COA7: variants seen among roughly 807,000 people sequenced by gnomAD.
COA7 encodes the protein cytochrome c oxidase assembly factor 7, also known as Sel1 repeat containing 1.
COA7 carries 12 observed loss-of-function variants against 21.0 expected under a neutral mutation model. The ratio of observed to expected loss-of-function variants is 0.57; its 90% CI spans 0.37 to 0.92. The LOEUF (loss-of-function observed/expected upper bound fraction) is 0.92, where lower values mean the gene tolerates loss of function less well. Ranked by LOEUF, COA7 falls within the 40% of genes least tolerant of loss-of-function variation. The pLI, the probability that COA7 is intolerant of heterozygous loss-of-function variation, is 0.01. For synonymous variants in COA7, 95 were observed against 107.4 expected (o/e 0.88, Z 0.72); for missense variants, 240 against 286.1 (o/e 0.84, Z 1.16).
At position 52,689,430 on chromosome 1, in the gene COA7, A is replaced by G. The variant is rs138000985; in HGVS notation, c.248-1262T>C. Among the ~76,000 whole-genome samples the G allele has an allele frequency of 2.9e-3, 443 of 151,692 alleles. 1 individual carries two copies. Among genetic ancestry groups the G allele is most frequent in the African/African-American group, 0.01 (419 of 41,382 alleles). On this transcript the variant is annotated intron_variant, in intron 2 of 2. Coordinates refer to ENST00000371538, the MANE Select transcript of COA7 (RefSeq NM_023077.3). ...CAGCCTCCCAAAATGCTGGGATTAC[A>G]GGCGTGAGCCACTTCACCTGGCCTA... is the stretch of plus-strand genomic sequence containing the variant.
At chr1:52,696,540 T>C (rs1644084806) in intron 1 of COA7, among the ~76,000 whole-genome samples, 1 of 152,258 alleles carries the variant, frequency 6.6e-6, no homozygotes, top group South Asian at 2.1e-4. Context: ...TTATGATATG[T>C]ATATGGTTGT....
intron 1 of COA7, among the ~76,000 whole-genome samples, chr1:52,696,023 CT>C (rs1351858961): frequency 6.6e-6 from 1 of 152,194 alleles, no homozygotes; most frequent in Non-Finnish European, 1.5e-5. Context: ...ATAGCACTTT[CT>C]TCTCCCACCC....
At position 52,687,758 on chromosome 1, in the gene COA7, C is replaced by G. The variant is rs548947561; in HGVS notation, c.658G>C (p.Glu220Gln). 11 of 1,614,264 alleles carry G rather than the reference C, an allele frequency of 6.8e-6. No homozygotes were observed. In the Admixed American group the frequency reaches 1.8e-4, roughly 27 times the overall value. Residue 220 changes from glutamate to glutamine, a missense_variant, in exon 3 of 3, where the codon GAA becomes CAA. Physicochemically the swap from Glu to Gln is conservative, Grantham distance 29 (BLOSUM62 2). This residue lies in a region of COA7 where 163 missense variants were observed against 214.1 expected (regional missense o/e 0.76). Coordinates refer to ENST00000371538, the MANE Select transcript of COA7 (RefSeq NM_023077.3). ...LKNRAQQLHK[E>Q]QQKGVQPLTF... ...AAGGGTTGGACACCTTTCTGCTGTT[C>G]TTTGTGTAGCTGCTGGGCTCGATTT...
rs574194753 is a variant in COA7 at position 52,691,220 on chromosome 1, AGCCTGAC to A, written c.247+1500_247+1506del. On this transcript the variant is annotated intron_variant, in intron 2 of 2. Transcript: ENST00000371538. ...TGCTTGAGGCCAGGAGTTTGAGACCAGCCTGACAACATAGTGAGATCCTGTCTCTACA... is the reference window on the plus strand; with the variant it reads ...TGCTTGAGGCCAGGAGTTTGAGACCAAACATAGTGAGATCCTGTCTCTACA... Among the ~76,000 whole-genome samples, 185 of 152,218 alleles carry A rather than the reference AGCCTGAC, an allele frequency of 1.2e-3. 1 individual carries two copies. The highest frequency in any genetic ancestry group is 4.2e-3 in the African/African-American group (176 of 41,540).
At chr1:52,690,026 CAAAAAAAAAAAAAGAAA>C (rs760184998) in intron 2 of COA7, among the ~76,000 whole-genome samples, 3 of 101,568 alleles carry the variant, frequency 3.0e-5, no homozygotes, top group Non-Finnish European at 4.1e-5. Context: ...AACTCTGTCT[CAAAAAAAAAAAAAGAAA>C]AAAAAAAAAA....
chr1:52,690,443 T>C (rs1193623489), intron 2 of COA7, among the ~76,000 whole-genome samples: 1 of 151,320 alleles, frequency 6.6e-6, no homozygotes, highest in African/African-American at 2.4e-5. Context: ...TAGAAGTGTT[T>C]GGAAAAATTG....
chr1:52,697,012 G>A (rs1207046669), intron 1 of COA7, among the ~76,000 whole-genome samples: 4 of 152,024 alleles, frequency 2.6e-5, no homozygotes, highest in Non-Finnish European at 5.9e-5. Context: ...GGGAGGCTGA[G>A]GCAGGAGAAT....
intron 1 of COA7, 110 bp downstream of exon 1, chr1:52,698,111 T>A (rs914278505): frequency 1.3e-6 from 1 of 796,398 alleles, no homozygotes; most frequent in Admixed American, 2.2e-5. Context: ...ACAGACCCCG[T>A]CCCCCGCCCG....
Position 52,698,287 on chromosome 1 carries a change from T to C in COA7, c.40A>G (p.Lys14Glu), listed in dbSNP as rs1644099876. Residue 14 changes from lysine to glutamate, a missense_variant, in exon 1 of 3, where the codon AAG becomes GAG. Transcript: ENST00000371538. ...MVDFQDEEQV[K>E]SFLENMEVEC... ...ACCTCCATGTTCTCCAAAAAGGACTTGACCTGCTCCTCATCCTGGAAGTCC... is the reference window on the plus strand; with the variant it reads ...ACCTCCATGTTCTCCAAAAAGGACTCGACCTGCTCCTCATCCTGGAAGTCC... The C allele has an allele frequency of 1.2e-6, 2 of 1,612,862 alleles. No homozygotes were observed. Among genetic ancestry groups the C allele is most frequent in the Admixed American group, 1.7e-5 (1 of 60,010 alleles).
chr1:52,691,039 G>A (rs527692874), intron 2 of COA7, among the ~76,000 whole-genome samples: 9 of 152,074 alleles, frequency 5.9e-5, no homozygotes, highest in Admixed American at 3.3e-4. Context: ...GAGCCAGGGG[G>A]TTGTGGTGAG....
In COA7 at chr1:52,698,307, A is replaced by G; in HGVS notation, c.20T>C (p.Phe7Ser). 1 of 1,611,730 alleles carries G rather than the reference A, an allele frequency of 6.2e-7. No homozygotes were observed. The highest frequency in any genetic ancestry group is 2.2e-5 in the East Asian group (1 of 44,786). Residue 7 changes from phenylalanine (F) to serine (S), a missense_variant, in exon 1 of 3, where the codon TTC becomes TCC. Phe to Ser is a radical substitution (Grantham distance 155). This residue lies in a region of COA7 where 71 missense variants were observed against 54.7 expected (regional missense o/e 1.30). Transcript: ENST00000371538. MAGMVD[F>S]QDEEQVKSFL... ...GGACTTGACCTGCTCCTCATCCTGGAAGTCCACCATGCCGGCCATGGTTCG... is the reference window on the plus strand; with the variant it reads ...GGACTTGACCTGCTCCTCATCCTGGGAGTCCACCATGCCGGCCATGGTTCG...
rs777490502 is a variant in COA7 at position 52,692,876 on chromosome 1, A to T, written c.107-9T>A. ...CACCAGCCGATAGCAACCTGCGAGA[A>T]GAGGGCAAGGGTTGTTCTTCATGTC... On this transcript the variant is annotated splice_polypyrimidine_tract_variant and intron_variant, in intron 1 of 2. Transcript: ENST00000371538. The T allele has an allele frequency of 2.4e-5, 39 of 1,614,058 alleles. No homozygotes were observed. The highest frequency in any genetic ancestry group is 3.3e-5 in the Non-Finnish European group (39 of 1,179,992).
rs1644001139 is a variant in COA7 at position 52,686,152 on chromosome 1, CA to C, written c.*1567del. 1 of 152,224 alleles carries C rather than the reference CA, an allele frequency of 6.6e-6. No individual in the cohort carries two copies. The highest frequency in any genetic ancestry group is 2.4e-5 in the African/African-American group (1 of 41,448). 9.4% of individuals were successfully genotyped at this position (152,224 alleles called of 1,614,324 possible). ...AAATGCTAGGATTACAGGCATGAGC[CA>C]CCACGCCTGGCCTGACCTAGTTTAA... is the stretch of plus-strand genomic sequence containing the variant. On this transcript the variant is annotated 3_prime_UTR_variant, in exon 3 of 3. Transcript: ENST00000371538.
rs776828171 is a variant in COA7, at chr1:52,692,749, C to G, written c.225G>C (p.Gly75=). The change falls in exon 2 of 3, where the codon GGG becomes GGC. Residue 75 remains glycine, a synonymous_variant. Transcript: ENST00000371538. ...NQHSDSCYKL[G]AYYVTGKGGL... is the part of the protein sequence containing the mutation. ...TACCTTTTCCAGTCACATAGTAGGCCCCCAGTTTGTAGCAGCTATCACTGT... is the reference window on the plus strand; with the variant it reads ...TACCTTTTCCAGTCACATAGTAGGCGCCCAGTTTGTAGCAGCTATCACTGT... 23 of 1,614,018 alleles carry G rather than the reference C, an allele frequency of 1.4e-5. No individual in the cohort carries two copies. The South Asian group carries it at 2.2e-4, about 15-fold the overall frequency.
At chr1:52,696,874 C>T (rs2149906286) in intron 1 of COA7, among the ~76,000 whole-genome samples, 1 of 151,502 alleles carries the variant, frequency 6.6e-6, no homozygotes, top group Admixed American at 6.6e-5. Flanking sequence ...CTTTGGGAGG[C>T]CAAGGCAGAT....
chr1:52,693,044 A>G (rs532967454), intron 1 of COA7, among the ~76,000 whole-genome samples, 177 bp from the exon 2 acceptor site: 2 of 152,214 alleles, frequency 1.3e-5, no homozygotes, highest in East Asian at 3.9e-4. Flanking sequence ...GTGTTTAGCC[A>G]TTCCTACAAA....
At chr1:52,695,696 G>A (rs1258358034) in intron 1 of COA7, among the ~76,000 whole-genome samples, 1 of 152,110 alleles carries the variant, frequency 6.6e-6, no homozygotes, top group Non-Finnish European at 1.5e-5. Flanking sequence ...GGATTTTAAG[G>A]GAGTAAAGTG....
At chr1:52,691,492 G>C (rs1571718201) in intron 2 of COA7, among the ~76,000 whole-genome samples, 1 of 137,364 alleles carries the variant, frequency 7.3e-6, no homozygotes, top group East Asian at 2.1e-4. Context: ...TTTTTTGTGA[G>C]ACAGAGTCTT....
At chr1:52,690,981 G>C (rs1023481072) in intron 2 of COA7, among the ~76,000 whole-genome samples, 4 of 151,886 alleles carry the variant, frequency 2.6e-5, no homozygotes, top group African/African-American at 9.7e-5. Context: ...AGTGGCAAAC[G>C]CCCCTGTAAT....
Sources: gnomAD v4.1 joint callset for allele counts (sites outside exome capture counted in the v4.1 genomes callset) on GRCh38, gnomAD v4.1.1 for gene constraint, gnomAD v4.1.1 regional missense constraint, MANE v1.5 for transcripts, NCBI Gene and HGNC (gene_info 2026-07-23, HGNC 2026-07-21) for gene names.